RERE: variants seen among roughly 807,000 people sequenced by gnomAD.
RERE encodes the protein arginine-glutamic acid dipeptide repeats, also known as arginine-glutamic acid dipeptide repeats protein.
Under a neutral mutation model 146.1 loss-of-function variants are expected in RERE, and 40 were observed. That is an observed-to-expected ratio of 0.27 (90% CI 0.21 to 0.36). The LOEUF is 0.36. Ranked by LOEUF, RERE falls within the 10% of genes least tolerant of loss-of-function variation. The probability of loss-of-function intolerance (pLI) is 1.00; values close to 1 mark genes in which losing one functional copy is unlikely to be tolerated. For synonymous variants in RERE, 1,003 were observed against 866.0 expected (o/e 1.16, Z -2.78); for missense variants, 1,933 against 2,138.7 (o/e 0.90, Z 1.90).
At chr1:8,480,309 T>C (rs1644817586) in intron 10 of RERE, among the ~76,000 whole-genome samples, 1 of 151,574 alleles carries the variant, frequency 6.6e-6, no homozygotes, top group Non-Finnish European at 1.5e-5. Context: ...CCGACTAATT[T>C]TTGTATTTTT....
intron 1 of RERE, among the ~76,000 whole-genome samples, chr1:8,670,419 C>A (rs1327772346): frequency 6.6e-6 from 1 of 152,160 alleles, no homozygotes; most frequent in East Asian, 1.9e-4. Flanking sequence ...CCAGAACACA[C>A]ACAATCTCTA....
chr1:8,556,702 A>C, intron 5 of RERE, 131 bp from the exon 6 acceptor site: 1 of 609,324 alleles, frequency 1.6e-6, no homozygotes, highest in Non-Finnish European at 2.9e-6. Context: ...TTAAGTATGC[A>C]AAATAGAGAA....
intron 7 of RERE, among the ~76,000 whole-genome samples, chr1:8,511,295 A>G (rs1645332326): frequency 6.6e-6 from 1 of 152,212 alleles, no homozygotes; most frequent in Non-Finnish European, 1.5e-5. Flanking sequence ...TATAACAGGG[A>G]AGAGTACTAA....
At chr1:8,706,709 GT>G (rs1639567509) in intron 1 of RERE, among the ~76,000 whole-genome samples, 1 of 152,174 alleles carries the variant, frequency 6.6e-6, no homozygotes, top group South Asian at 2.1e-4. Context: ...TTATTTTCAG[GT>G]TTTTTTCTCT....
At chr1:8,591,294 A>G (rs1646489815) in intron 4 of RERE, among the ~76,000 whole-genome samples, 1 of 152,196 alleles carries the variant, frequency 6.6e-6, no homozygotes. Context: ...AAAGTTATAT[A>G]TTGTACAAAA....
intron 1 of RERE, among the ~76,000 whole-genome samples, chr1:8,740,953 TA>T (rs1640294597): frequency 1.3e-5 from 2 of 152,202 alleles, no homozygotes; most frequent in Admixed American, 6.5e-5. Flanking sequence ...AGTAAATACA[TA>T]AACCAGTAAA....
At chr1:8,490,685 AAT>A (rs1355216035) in intron 10 of RERE, among the ~76,000 whole-genome samples, 1 of 150,554 alleles carries the variant, frequency 6.6e-6, no homozygotes, top group Non-Finnish European at 1.5e-5. Context: ...GAAGTCACAC[AAT>A]ATGATTCCAT....
Position 8,541,262 on chromosome 1 carries a change from G to A in RERE, c.782C>T (p.Ala261Val), listed in dbSNP as rs754603243. Residue 261 changes from alanine to valine, a missense_variant, in exon 7 of 23, where the codon GCC becomes GTC. Ala to Val is a moderately conservative substitution (Grantham distance 64, BLOSUM62 0). Coordinates refer to ENST00000400908, the MANE Select transcript of RERE (RefSeq NM_001042681.2). ...TATGTAGAAAAATGAATCCACTCGG[G>A]CTTTAAACTCTCTAGCAGCAAATAT... Reference protein sequence around the residue: ...SDIFAAREFKARVDSFFYILG... With the variant: ...SDIFAAREFKVRVDSFFYILG... 2 of 1,611,718 alleles carry A rather than the reference G, an allele frequency of 1.2e-6. No homozygotes were observed. Among genetic ancestry groups the A allele is most frequent in the East Asian group, 2.2e-5 (1 of 44,830 alleles).
intron 12 of RERE, among the ~76,000 whole-genome samples, chr1:8,401,113 A>C (rs1254026089): frequency 7.2e-6 from 1 of 139,362 alleles, no homozygotes; most frequent in Non-Finnish European, 1.6e-5. Context: ...TTTTGCATTA[A>C]GCACATGTCC....
At chr1:8,789,301 A>AAAAAAAAAAAAAAAAAAAT in intron 1 of RERE, among the ~76,000 whole-genome samples, 3 of 24,814 alleles carry the variant, frequency 1.2e-4, no homozygotes, top group Non-Finnish European at 1.9e-4. Context: ...AAAAAAAAAA[A>AAAAAAAAAAAAAAAAAAAT]ATATATATAT....
intron 7 of RERE, among the ~76,000 whole-genome samples, chr1:8,540,190 G>A (rs538237579): frequency 1.5e-4 from 23 of 152,260 alleles, no homozygotes; most frequent in African/African-American, 3.9e-4. Context: ...TGACTTCCCA[G>A]GCTCAAGCAA....
In RERE at chr1:8,423,931, C is replaced by A. The variant is rs1049546482; in HGVS notation, c.1204-1124G>T. 3.3e-5 allele frequency: 5 copies of A among 150,946 alleles called. No homozygotes were observed. Among genetic ancestry groups the A allele is most frequent in the Non-Finnish European group, 7.4e-5 (5 of 67,574 alleles). 9.4% of individuals were successfully genotyped at this position (150,946 alleles called of 1,614,324 possible). The stretch of plus-strand genomic sequence containing the variant: ...GACCCCCACCCCGAGGCCGGAGCCT[C>A]CAGGGCACCCGGCGCTGGAATCTGT... On this transcript the variant is annotated intron_variant, in intron 11 of 22. Coordinates refer to ENST00000400908, the MANE Select transcript of RERE (RefSeq NM_001042681.2). The surrounding 1 kb of genome is among the most constrained non-coding windows in gnomAD (Gnocchi z 5.4).
intron 2 of RERE, among the ~76,000 whole-genome samples, chr1:8,629,308 T>C (rs970742610): frequency 6.6e-6 from 1 of 152,130 alleles, no homozygotes; most frequent in Non-Finnish European, 1.5e-5. Flanking sequence ...CTCAAATCCT[T>C]GTGAACAGGG....
intron 2 of RERE, among the ~76,000 whole-genome samples, chr1:8,636,997 T>A (rs1647109908): frequency 6.6e-6 from 1 of 152,186 alleles, no homozygotes; most frequent in Non-Finnish European, 1.5e-5. Flanking sequence ...TATTTAAATT[T>A]CATCCATTAA....
intron 1 of RERE, among the ~76,000 whole-genome samples, chr1:8,761,327 T>A (rs1640752448): frequency 2.0e-5 from 3 of 152,182 alleles, no homozygotes; most frequent in Admixed American, 1.3e-4. Context: ...ATTCTCAGTA[T>A]CTCCATCTTA....
At chr1:8,433,977 A>T (rs991385538) in intron 11 of RERE, among the ~76,000 whole-genome samples, 2 of 152,140 alleles carry the variant, frequency 1.3e-5, no homozygotes, top group Non-Finnish European at 2.9e-5. Context: ...TCTTTTTCCT[A>T]ATCTTCCAAA....
intron 11 of RERE, among the ~76,000 whole-genome samples, chr1:8,438,715 C>T (rs763316121): frequency 6.6e-6 from 1 of 151,908 alleles, no homozygotes; most frequent in Non-Finnish European, 1.5e-5. Context: ...GACAGCATCA[C>T]AAGTACTCAA....
chr1:8,654,557 A>G (rs1638225028), intron 2 of RERE, among the ~76,000 whole-genome samples: 1 of 152,200 alleles, frequency 6.6e-6, no homozygotes, highest in African/African-American at 2.4e-5. Context: ...GTCACTCTTC[A>G]ACAGTAAAAG....
At chr1:8,774,413 G>A (rs1641018314) in intron 1 of RERE, among the ~76,000 whole-genome samples, 1 of 141,812 alleles carries the variant, frequency 7.1e-6, no homozygotes, top group Non-Finnish European at 1.5e-5. Context: ...GAGTGCAATG[G>A]CGCGATCTCG....
Sources: allele counts gnomAD v4.1 joint callset (sites outside exome capture counted in the v4.1 genomes callset), GRCh38; gene constraint gnomAD v4.1.1; non-coding constraint Gnocchi (gnomAD v3.1); transcripts MANE v1.5; gene names NCBI Gene and HGNC (gene_info 2026-07-23, HGNC 2026-07-21).